Variants in ENTREP2 observed in about 807,000 individuals in gnomAD.
The protein encoded by ENTREP2 is endosomal transmembrane epsin interactor 2.
the ENTREP2 span, among the ~76,000 whole-genome samples, chr15:29,669,424 C>A: frequency 6.6e-6 from 1 of 152,168 alleles, no homozygotes; most frequent in Non-Finnish European, 1.5e-5. Flanking sequence ...CACCTTGGGA[C>A]TCTACAGAGT....
the ENTREP2 span, among the ~76,000 whole-genome samples, chr15:29,663,990 T>C: frequency 6.7e-6 from 1 of 150,030 alleles, no homozygotes; most frequent in Admixed American, 6.7e-5. Flanking sequence ...ATCGCGCCAT[T>C]GCACTCCAGC....
At chr15:29,303,427 A>G in the ENTREP2 span, among the ~76,000 whole-genome samples, 1 of 152,174 alleles carries the variant, frequency 6.6e-6, no homozygotes, top group Non-Finnish European at 1.5e-5. Flanking sequence ...CCATGCTGAC[A>G]CATAAAACCA....
chr15:29,622,574 T>G, the ENTREP2 span, among the ~76,000 whole-genome samples: 1 of 152,140 alleles, frequency 6.6e-6, no homozygotes, highest in South Asian at 2.1e-4. Flanking sequence ...GGAGAAATGT[T>G]GAAACTACCA....
At chr15:29,136,526 G>C in the ENTREP2 span, 4 of 1,544,110 alleles carry the variant, frequency 2.6e-6, no homozygotes, top group Non-Finnish European at 3.5e-6. Flanking sequence ...TCATCACATC[G>C]TCATTGCCCG....
At chr15:29,269,007 C>T in the ENTREP2 span, 5 of 1,614,098 alleles carry the variant, frequency 3.1e-6, no homozygotes, top group Non-Finnish European at 4.2e-6. Context: ...GCCGGTATTC[C>T]AGGTAACGCT....
chr15:29,453,008 A>C, the ENTREP2 span, among the ~76,000 whole-genome samples: 1 of 152,212 alleles, frequency 6.6e-6, no homozygotes. Context: ...CCAAGTAACG[A>C]GCAAACATGA....
chr15:29,497,243 T>A, the ENTREP2 span, among the ~76,000 whole-genome samples: 1 of 152,222 alleles, frequency 6.6e-6, no homozygotes, highest in South Asian at 2.1e-4. Context: ...TTATTTTCTA[T>A]GTAAGTTACC....
the ENTREP2 span, among the ~76,000 whole-genome samples, chr15:29,641,091 A>T: frequency 6.6e-6 from 1 of 152,210 alleles, no homozygotes; most frequent in African/African-American, 2.4e-5. Context: ...ATCTTAATAG[A>T]TGCAAAAAAG....
the ENTREP2 span, among the ~76,000 whole-genome samples, chr15:29,172,827 C>T: frequency 6.6e-6 from 1 of 152,144 alleles, no homozygotes; most frequent in Non-Finnish European, 1.5e-5. Context: ...GGCTGAACCT[C>T]CCCCTCTCAC....
the ENTREP2 span, among the ~76,000 whole-genome samples, chr15:29,580,696 G>A: frequency 6.6e-6 from 1 of 152,184 alleles, no homozygotes; most frequent in Non-Finnish European, 1.5e-5. Context: ...TTCAGCAAAG[G>A]TGGCTTGGTA....
At chr15:29,201,900 C>T in the ENTREP2 span, among the ~76,000 whole-genome samples, 1 of 152,222 alleles carries the variant, frequency 6.6e-6, no homozygotes, top group African/African-American at 2.4e-5. Context: ...CCATCTGGAC[C>T]TGGAGATTTT....
chr15:29,234,769 G>C, the ENTREP2 span: 1 of 1,490,958 alleles, frequency 6.7e-7, no homozygotes, highest in Non-Finnish European at 9.4e-7. Context: ...GCTCAACATT[G>C]GTATAAAATA....
chr15:29,247,939 A>C, the ENTREP2 span, among the ~76,000 whole-genome samples: 3 of 152,226 alleles, frequency 2.0e-5, no homozygotes. Flanking sequence ...TGTAGGCCCC[A>C]GTCTCAGTCA....
At chr15:29,441,389 G>A in the ENTREP2 span, among the ~76,000 whole-genome samples, 1 of 152,120 alleles carries the variant, frequency 6.6e-6, no homozygotes, top group Non-Finnish European at 1.5e-5. Flanking sequence ...TTCTGTGGAT[G>A]GATGGTGGTA....
the ENTREP2 span, among the ~76,000 whole-genome samples, chr15:29,637,432 C>A: frequency 6.6e-5 from 10 of 152,310 alleles, no homozygotes; most frequent in South Asian, 2.1e-3. Context: ...TTCTCAGAAA[C>A]ACATCAGGTC....
the ENTREP2 span, among the ~76,000 whole-genome samples, chr15:29,284,717 T>C: frequency 7.3e-4 from 111 of 152,242 alleles, no homozygotes; most frequent in African/African-American, 2.3e-3. Context: ...AAATCAATGA[T>C]TGGACCTGCA....
the ENTREP2 span, among the ~76,000 whole-genome samples, chr15:29,638,847 G>A: frequency 6.6e-5 from 10 of 152,128 alleles, no homozygotes; most frequent in South Asian, 2.1e-4. Context: ...TTGCCTTGTC[G>A]ATTCTCCTTG....
At chr15:29,171,742 T>G in the ENTREP2 span, among the ~76,000 whole-genome samples, 1 of 152,202 alleles carries the variant, frequency 6.6e-6, no homozygotes, top group Middle Eastern at 3.4e-3. Flanking sequence ...GTTTTCCTGG[T>G]TTTCATGTGG....
the ENTREP2 span, chr15:29,234,156 C>T: frequency 6.3e-7 from 1 of 1,581,840 alleles, no homozygotes; most frequent in Admixed American, 1.7e-5. Context: ...CATTCTCGTT[C>T]ACTCTCAGGC....
Sources: gnomAD v4.1 joint callset for allele counts (sites outside exome capture counted in the v4.1 genomes callset) on GRCh38, gnomAD v4.1.1 for gene constraint, MANE v1.5 for transcripts, NCBI Gene and HGNC (gene_info 2026-07-23, HGNC 2026-07-21) for gene names.